The following EBF3 variants were observed in gnomAD, a reference collection of about 807,000 sequenced individuals.
EBF3 encodes EBF transcription factor 3.
EBF3 carries 18 observed loss-of-function variants against 77.1 expected under a neutral mutation model. The observed-to-expected ratio is 0.23, with a 90% CI of 0.16 to 0.35. The LOEUF is 0.35. EBF3 is among the 10% of genes least tolerant of loss of function. The probability of loss-of-function intolerance (pLI) is 1.00; values close to 1 mark genes in which losing one functional copy is unlikely to be tolerated. For missense variants in EBF3, 558 were observed against 860.0 expected, an observed-to-expected ratio of 0.65 and a Z score of 4.39; for synonymous variants, 350 against 343.5, an observed-to-expected ratio of 1.02 and a Z score of -0.21.
chr10:129,875,708 G>C (rs546088700), intron 7 of EBF3, among the ~76,000 whole-genome samples: 2 of 152,298 alleles, frequency 1.3e-5, no homozygotes, highest in Admixed American at 1.3e-4. Context: ...TCCAGCCTTG[G>C]GTATCTCAGC....
rs1396118499 is a variant in EBF3, at chr10:129,885,765, T to C, written c.555-7916A>G. Among the ~76,000 whole-genome samples, 1 of 152,142 alleles carries C rather than the reference T, an allele frequency of 6.6e-6. No individual in the cohort carries two copies. The highest frequency in any genetic ancestry group is 1.5e-5 in the Non-Finnish European group (1 of 68,038). On this transcript the variant is annotated intron_variant, in intron 6 of 16. Coordinates refer to ENST00000440978, the MANE Select transcript of EBF3 (RefSeq NM_001375380.1). The surrounding 1 kb of genome is among the most constrained non-coding windows in gnomAD (Gnocchi z 4.0). Reference sequence around the variant, plus strand: ...CAGCTCTGATCACGAAGCTCCTTATTTAAGAAAAATGCCAGCATCACTTGG... The same window carrying C: ...CAGCTCTGATCACGAAGCTCCTTATCTAAGAAAAATGCCAGCATCACTTGG...
chr10:129,890,967 G>T (rs1014679309), intron 6 of EBF3, among the ~76,000 whole-genome samples: 1 of 152,126 alleles, frequency 6.6e-6, no homozygotes, highest in African/African-American at 2.4e-5. Flanking sequence ...CACAAGGTTC[G>T]CCACTTACCA....
chr10:129,857,610 C>T (rs1329330613), intron 10 of EBF3, among the ~76,000 whole-genome samples: 3 of 152,200 alleles, frequency 2.0e-5, no homozygotes, highest in South Asian at 2.1e-4. Flanking sequence ...TTCCATGTCC[C>T]GCTTCATTCC....
chr10:129,899,502 T>C (rs1329104142), intron 6 of EBF3, among the ~76,000 whole-genome samples: 1 of 152,180 alleles, frequency 6.6e-6, no homozygotes, highest in African/African-American at 2.4e-5. Context: ...CAGCCAGCCA[T>C]GTGGCTAAAA....
chr10:129,841,999 G>C lies in EBF3; in HGVS notation c.1372+117C>G. Reference sequence around the variant, plus strand: ...GCAAAGGAACCAGCAGAGCCAGAGAGAACAGAACGCTACGGACATTCCCCA... The same window carrying C: ...GCAAAGGAACCAGCAGAGCCAGAGACAACAGAACGCTACGGACATTCCCCA... On this transcript the variant is annotated intron_variant, in intron 13 of 16. Transcript: ENST00000440978. The surrounding 1 kb of genome is among the most constrained non-coding windows in gnomAD (Gnocchi z 4.6). The C allele has an allele frequency of 2.2e-6, 3 of 1,356,086 alleles. No individual in the cohort carries two copies. Among genetic ancestry groups the C allele is most frequent in the Non-Finnish European group, 3.1e-6 (3 of 983,124 alleles). The allele number at this position is 1,356,086 out of a possible 1,614,324, so 84.0% of individuals were successfully genotyped here. A position where few individuals can be genotyped will look rare whatever the true frequency, so the allele number is the denominator to read the frequency against.
intron 6 of EBF3, among the ~76,000 whole-genome samples, chr10:129,928,139 C>A (rs766047164): frequency 2.6e-5 from 4 of 152,166 alleles, no homozygotes; most frequent in Non-Finnish European, 4.4e-5. Context: ...CAGCCTCATG[C>A]GAAAACGACT....
At position 129,963,701 on chromosome 10, in the gene EBF3, C is replaced by G; in HGVS notation, c.68G>C (p.Gly23Ala). The change falls in exon 1 of 17, where the codon GGC becomes GCC. Residue 23 changes from glycine (G) to alanine (A), a missense_variant. By Grantham distance (60) the Gly-to-Ala change is moderately conservative. Transcript: ENST00000440978. This position sits in a 1 kb window ranked among gnomAD's most constrained non-coding sequence, Gnocchi z 7.1. ...TTMKEEPLGSGMNPVRSWMHT... is the reference protein window; with the variant it reads ...TTMKEEPLGSAMNPVRSWMHT... ...CATCCACGAGCGCACCGGGTTCATG[C>G]CGCTGCCCAGCGGCTCCTCCTTCAT... The G allele has an allele frequency of 6.5e-7, 1 of 1,533,284 alleles. No individual in the cohort carries two copies. Among genetic ancestry groups the G allele is most frequent in the African/African-American group, 1.4e-5 (1 of 69,686 alleles). The allele number at this position is 1,533,284 out of a possible 1,614,324, so 95.0% of individuals were successfully genotyped here.
intron 10 of EBF3, among the ~76,000 whole-genome samples, chr10:129,849,583 C>T (rs569587879): frequency 2.6e-5 from 4 of 152,318 alleles, no homozygotes; most frequent in East Asian, 3.9e-4. Context: ...AATTGGTCAC[C>T]GTTCTCGAGT....
chr10:129,854,499 A>G (rs1012754622), intron 10 of EBF3, among the ~76,000 whole-genome samples: 3 of 143,594 alleles, frequency 2.1e-5, no homozygotes, highest in African/African-American at 9.0e-5. Flanking sequence ...GTAACAAGCA[A>G]AAATAGAAAA....
At chr10:129,852,639 C>T (rs1850971985) in intron 10 of EBF3, among the ~76,000 whole-genome samples, 1 of 152,092 alleles carries the variant, frequency 6.6e-6, no homozygotes, top group South Asian at 2.1e-4. Flanking sequence ...ATAGCAAGTC[C>T]GTTAACTTAT....
rs202169887 is a variant in EBF3 at position 129,957,388 on chromosome 10, A to G, written c.486-62T>C. 363 of 1,162,884 alleles carry G rather than the reference A, an allele frequency of 3.1e-4. 1 individual carries two copies. The highest frequency in any genetic ancestry group is 5.5e-4 in the South Asian group (32 of 57,752). The allele number at this position is 1,162,884 out of a possible 1,614,324, so 72.0% of individuals were successfully genotyped here. Reference sequence around the variant, plus strand: ...TTTCCCCCTTTTATGCCCGACTTGTATTTTTTTTTTTTTCTGACGTCTGAC... The same window carrying G: ...TTTCCCCCTTTTATGCCCGACTTGTGTTTTTTTTTTTTTCTGACGTCTGAC... On this transcript the variant is annotated intron_variant, in intron 5 of 16. Transcript: ENST00000440978.
chr10:129,868,580 A>G (rs1324659974), intron 8 of EBF3, among the ~76,000 whole-genome samples: 3 of 151,240 alleles, frequency 2.0e-5, no homozygotes, highest in Non-Finnish European at 4.4e-5. Flanking sequence ...GTGCTGCTGC[A>G]CCGGCCGCAG....
At chr10:129,946,117 A>T (rs950125556) in intron 6 of EBF3, among the ~76,000 whole-genome samples, 2 of 152,220 alleles carry the variant, frequency 1.3e-5, no homozygotes, top group African/African-American at 4.8e-5. Flanking sequence ...AAACATGATT[A>T]AAAAGACCGT....
At chr10:129,875,449 G>A (rs979526691) in intron 7 of EBF3, among the ~76,000 whole-genome samples, 1 of 152,144 alleles carries the variant, frequency 6.6e-6, no homozygotes, top group African/African-American at 2.4e-5. Context: ...ACCCGCCTCA[G>A]CCTCTCAAAG....
intron 7 of EBF3, among the ~76,000 whole-genome samples, chr10:129,873,994 A>C (rs1039112825): frequency 6.6e-6 from 1 of 152,198 alleles, no homozygotes; most frequent in Non-Finnish European, 1.5e-5. Flanking sequence ...AAATGAGTTC[A>C]CTTGAGACTG....
chr10:129,963,016 C>A lies in EBF3; in HGVS notation c.292-11G>T, dbSNP rs201293804. 1 of 1,614,136 alleles carries A rather than the reference C, an allele frequency of 6.2e-7. No homozygotes were observed. The highest frequency in any genetic ancestry group is 2.2e-5 in the East Asian group (1 of 44,854). On this transcript the variant is annotated splice_polypyrimidine_tract_variant and intron_variant, in intron 2 of 16. Coordinates refer to ENST00000440978, the MANE Select transcript of EBF3 (RefSeq NM_001375380.1). This position sits in a 1 kb window ranked among gnomAD's most constrained non-coding sequence, Gnocchi z 7.1. ...CTCGTTGTTTGGCTCCTGAAAGTAA[C>A]GATAAATAATTGCATTTAGTGCGAT...
chr10:129,961,885 T>A (rs1859552552), intron 4 of EBF3, among the ~76,000 whole-genome samples: 1 of 152,146 alleles, frequency 6.6e-6, no homozygotes, highest in African/African-American at 2.4e-5. Flanking sequence ...AGGGGGGACA[T>A]CTTGAAATTT....
chr10:129,937,092 C>A (rs1315437051), intron 6 of EBF3, among the ~76,000 whole-genome samples: 1 of 152,176 alleles, frequency 6.6e-6, no homozygotes, highest in Non-Finnish European at 1.5e-5. Context: ...AGGAGGAGCC[C>A]AGAGAATCCC....
chr10:129,865,328 T>A (rs1039016092), intron 10 of EBF3, among the ~76,000 whole-genome samples: 1 of 152,214 alleles, frequency 6.6e-6, no homozygotes, highest in Non-Finnish European at 1.5e-5. Context: ...GTTCCCCAAT[T>A]TTTTGAACCC....
Sources: gnomAD v4.1 joint callset for allele counts (sites outside exome capture counted in the v4.1 genomes callset) on GRCh38, gnomAD v4.1.1 for gene constraint, Gnocchi (gnomAD v3.1) non-coding constraint, MANE v1.5 for transcripts, NCBI Gene and HGNC (gene_info 2026-07-23, HGNC 2026-07-21) for gene names.